The following SLC5A12 variants were observed in gnomAD, a reference collection of about 807,000 sequenced individuals.
The protein encoded by SLC5A12 is solute carrier family 5 member 12, also known as sodium-coupled monocarboxylate transporter 2.
A neutral mutation model predicts 72.7 loss-of-function variants in SLC5A12; 46 were observed. That is an observed-to-expected ratio of 0.63 (90% CI 0.50 to 0.81). The LOEUF is 0.81. Ranked by LOEUF, SLC5A12 falls within the 30% of genes least tolerant of loss-of-function variation. The probability of loss-of-function intolerance (pLI) is 0.00; values close to 1 mark genes in which losing one functional copy is unlikely to be tolerated. For synonymous variants in SLC5A12, 275 were observed against 264.4 expected (o/e 1.04, Z -0.39); for missense variants, 683 against 740.7 (o/e 0.92, Z 0.90).
chr11:26,721,764 A>T lies in SLC5A12; in HGVS notation c.-50T>A, dbSNP rs377518942. On this transcript the variant is annotated 5_prime_UTR_variant, in exon 1 of 15. Transcript: ENST00000396005. ...TTTCTTTCAACGAGGTCTCAGGAAG[A>T]AGATGTTTCCAAAAGCAAAGTTCAG... 94 of 1,544,656 alleles carry T rather than the reference A, an allele frequency of 6.1e-5. No individual in the cohort carries two copies. The African/African-American group carries it at 1.2e-3, about 20-fold the overall frequency.
intron 12 of SLC5A12, among the ~76,000 whole-genome samples, chr11:26,680,719 C>G (rs1421494834): frequency 6.6e-6 from 1 of 152,072 alleles, no homozygotes; most frequent in Non-Finnish European, 1.5e-5. Context: ...CCTCATTGCT[C>G]ACAAACTTCT....
At chr11:26,695,074 C>T (rs186228358) in intron 8 of SLC5A12, among the ~76,000 whole-genome samples, 185 of 151,680 alleles carry the variant, frequency 1.2e-3, no homozygotes, top group African/African-American at 4.2e-3. Context: ...CAATCAAACT[C>T]CAAAGAATCA....
intron 13 of SLC5A12, among the ~76,000 whole-genome samples, chr11:26,676,582 G>A (rs2133135466): frequency 6.6e-6 from 1 of 152,170 alleles, no homozygotes; most frequent in Non-Finnish European, 1.5e-5. Context: ...TCCTGATAAT[G>A]GGATGTTTTG....
intron 12 of SLC5A12, among the ~76,000 whole-genome samples, chr11:26,679,239 A>T (rs2133140697): frequency 6.6e-6 from 1 of 152,248 alleles, no homozygotes; most frequent in Admixed American, 6.5e-5. Flanking sequence ...TAGAAAAGGT[A>T]TAAAATACTA....
In SLC5A12 at chr11:26,698,344, C is replaced by T. The variant is rs146346149; in HGVS notation, c.951+62G>A. On this transcript the variant is annotated intron_variant, in intron 7 of 14. Coordinates refer to ENST00000396005, the MANE Select transcript of SLC5A12 (RefSeq NM_178498.4). ...GAAAAAGAGAAAGGCCAAGATTATCCACCAATAGCTAGAAGCACGCTCATT... is the reference window on the plus strand; with the variant it reads ...GAAAAAGAGAAAGGCCAAGATTATCTACCAATAGCTAGAAGCACGCTCATT... 2,999 of 1,576,302 alleles carry T rather than the reference C, an allele frequency of 1.9e-3. 7 individuals are homozygous for T. Among genetic ancestry groups the T allele is most frequent in the Non-Finnish European group, 2.2e-3 (2,556 of 1,164,598 alleles).
intron 13 of SLC5A12, among the ~76,000 whole-genome samples, chr11:26,673,989 G>A (rs1590704306): frequency 6.6e-6 from 1 of 151,978 alleles, no homozygotes; most frequent in Admixed American, 6.6e-5. Flanking sequence ...TCCTGAACAA[G>A]CAATACCCTC....
At chr11:26,678,884 C>T in intron 12 of SLC5A12, 69 bp from the exon 13 acceptor site, 1 of 1,004,452 alleles carries the variant, frequency 1.0e-6, no homozygotes, top group South Asian at 1.8e-5. Context: ...GAGGACTGCT[C>T]AGGATTCATT....
rs142941262 is a variant in SLC5A12 at position 26,675,882 on chromosome 11, T to C, written c.1580-2353A>G. Reference sequence around the variant, plus strand: ...GAAAGGGCATAAAATTTCAGAAACCTAGGAATAAAGAGATGGTCTATAAAC... The same window carrying C: ...GAAAGGGCATAAAATTTCAGAAACCCAGGAATAAAGAGATGGTCTATAAAC... On this transcript the variant is annotated intron_variant, in intron 13 of 14. Transcript: ENST00000396005. Among the ~76,000 whole-genome samples, 764 of 152,048 alleles carry C rather than the reference T, an allele frequency of 5.0e-3. 6 individuals are homozygous for C. Among genetic ancestry groups the C allele is most frequent in the Non-Finnish European group, 6.8e-3 (460 of 67,974 alleles).
rs1554988602 is a variant in SLC5A12 at position 26,669,187 on chromosome 11, T to TTTTCTTTTTCTTTCTTTTCTTTC, written c.*1914_*1915insGAAAGAAAAGAAAGAAAAAGAAA. 1 of 110,942 alleles carries TTTTCTTTTTCTTTCTTTTCTTTC rather than the reference T, an allele frequency of 9.0e-6. No homozygotes were observed. Among genetic ancestry groups the TTTTCTTTTTCTTTCTTTTCTTTC allele is most frequent in the Non-Finnish European group, 2.0e-5 (1 of 50,896 alleles). 6.9% of individuals were successfully genotyped at this position (110,942 alleles called of 1,614,324 possible). Reference sequence around the variant, plus strand: ...TGTCTTTTTCTTTCTTTCTTTCTTCTTTTCTTTCTTTCTTTCTTTCTTTCT... The same window carrying TTTTCTTTTTCTTTCTTTTCTTTC: ...TGTCTTTTTCTTTCTTTCTTTCTTCTTTTCTTTTTCTTTCTTTTCTTTCTTTCTTTCTTTCTTTCTTTCTTTCT... On this transcript the variant is annotated 3_prime_UTR_variant, in exon 15 of 15. Transcript: ENST00000396005.
chr11:26,679,585 A>T (rs919934408), intron 12 of SLC5A12, among the ~76,000 whole-genome samples: 1 of 152,206 alleles, frequency 6.6e-6, no homozygotes, highest in Admixed American at 6.6e-5. Context: ...CTCTTGAAAG[A>T]TAAACAGATT....
At chr11:26,678,391 G>T (rs758200114) in intron 13 of SLC5A12, among the ~76,000 whole-genome samples, 11 of 151,650 alleles carry the variant, frequency 7.3e-5, no homozygotes, top group African/African-American at 1.9e-4. Context: ...GTTTTTTTTG[G>T]TTTTTTGAGA....
Position 26,681,108 on chromosome 11 carries a change from G to C in SLC5A12, c.1422C>G (p.Asp474Glu). Reference sequence around the variant, plus strand: ...CTGTCACATTTGATTTGATACATTGGTCTGTTGACAGAGGCAAAGGCCATG... The same window carrying C: ...CTGTCACATTTGATTTGATACATTGCTCTGTTGACAGAGGCAAAGGCCATG... Reference protein sequence around the residue: ...SKTWPLPLSTDQCIKSNVTAT... With the variant: ...SKTWPLPLSTEQCIKSNVTAT... The change falls in exon 12 of 15, where the codon GAC (aspartate) becomes GAG (glutamate). Residue 474 changes from aspartate (D) to glutamate (E), a missense_variant. Physicochemically the swap from Asp to Glu is conservative, Grantham distance 45. Transcript: ENST00000396005. The C allele has an allele frequency of 6.2e-7, 1 of 1,611,044 alleles. No homozygotes were observed. Among genetic ancestry groups the C allele is most frequent in the East Asian group, 2.2e-5 (1 of 44,674 alleles).
intron 14 of SLC5A12, 61 bp downstream of exon 14, chr11:26,673,316 TGCATCTTTGCAGCCGGTTTAAATGG>T: frequency 7.5e-7 from 1 of 1,330,386 alleles, no homozygotes; most frequent in South Asian, 2.1e-5. Flanking sequence ...CCCTTTCCAG[TGCATCTTTGCAGCCGGTTTAAATGG>T]GCAAAACCAG....
At position 26,703,892 on chromosome 11, in the gene SLC5A12, A is replaced by G. The variant is rs761173386; in HGVS notation, c.581T>C (p.Val194Ala). The G allele has an allele frequency of 6.2e-7, 1 of 1,613,948 alleles. No individual in the cohort carries two copies. The highest frequency in any genetic ancestry group is 8.5e-7 in the Non-Finnish European group (1 of 1,179,870). ...TDAFQMVVMI[V>A]GFLTVLIQGS... Reference sequence around the variant, plus strand: ...TTGAATGAGAACCGTTAAGAAGCCCACAATCATGACAACCATCTGAAATGC... The same window carrying G: ...TTGAATGAGAACCGTTAAGAAGCCCGCAATCATGACAACCATCTGAAATGC... The change falls in exon 5 of 15, where the codon GTG (valine) becomes GCG (alanine). Residue 194 changes from valine to alanine, a missense_variant. Transcript: ENST00000396005.
Position 26,703,850 on chromosome 11 carries a change from C to T in SLC5A12, c.623G>A (p.Gly208Glu). ...TVLIQGSTHAGGFHNVLEQST... is the reference protein window; with the variant it reads ...TVLIQGSTHAEGFHNVLEQST... Reference sequence around the variant, plus strand: ...TTGCTCTAATACATTGTGGAATCCCCCAGCATGAGTTGATCCTTGAATGAG... The same window carrying T: ...TTGCTCTAATACATTGTGGAATCCCTCAGCATGAGTTGATCCTTGAATGAG... Residue 208 changes from glycine (G) to glutamate (E), a missense_variant, in exon 5 of 15, where the codon GGG becomes GAG. Transcript: ENST00000396005. 1.2e-6 allele frequency: 2 copies of T among 1,613,856 alleles called. No individual in the cohort carries two copies. Among genetic ancestry groups the T allele is most frequent in the Non-Finnish European group, 1.7e-6 (2 of 1,179,860 alleles).
intron 9 of SLC5A12, among the ~76,000 whole-genome samples, chr11:26,691,043 A>G (rs2133167518): frequency 6.6e-6 from 1 of 152,234 alleles, no homozygotes; most frequent in South Asian, 2.1e-4. Context: ...GCTGGGAGAC[A>G]TTCTACAATA....
Position 26,721,974 on chromosome 11 carries a change from A to G in SLC5A12, c.-260T>C, listed in dbSNP as rs1855492897. 2.1e-6 allele frequency: 1 copy of G among 481,104 alleles called. No homozygotes were observed. Among genetic ancestry groups the G allele is most frequent in the African/African-American group, 1.9e-5 (1 of 51,582 alleles). 29.8% of individuals were successfully genotyped at this position (481,104 alleles called of 1,614,324 possible). Reference sequence around the variant, plus strand: ...GAGAATTTGAAATCTGACCCTAGCTAAGAGCTGTCTGCTCCTCTCCTAAAG... The same window carrying G: ...GAGAATTTGAAATCTGACCCTAGCTGAGAGCTGTCTGCTCCTCTCCTAAAG... On this transcript the variant is annotated 5_prime_UTR_variant, in exon 1 of 15. Coordinates refer to ENST00000396005, the MANE Select transcript of SLC5A12 (RefSeq NM_178498.4).
intron 4 of SLC5A12, among the ~76,000 whole-genome samples, chr11:26,704,263 G>T (rs540671530): frequency 6.6e-6 from 1 of 152,158 alleles, no homozygotes; most frequent in Non-Finnish European, 1.5e-5. Flanking sequence ...AAAACAGGGA[G>T]CCCTGACCTG....
intron 14 of SLC5A12, among the ~76,000 whole-genome samples, chr11:26,673,048 C>A (rs146207771): frequency 6.6e-6 from 1 of 152,104 alleles, no homozygotes; most frequent in African/African-American, 2.4e-5. Context: ...GACTGTCTGA[C>A]GCTAAAGTCC....
Sources: allele counts gnomAD v4.1 joint callset (sites outside exome capture counted in the v4.1 genomes callset), GRCh38; gene constraint gnomAD v4.1.1; transcripts MANE v1.5; gene names NCBI Gene and HGNC (gene_info 2026-07-23, HGNC 2026-07-21).